MYO5A: variants seen among roughly 807,000 people sequenced by gnomAD.
The protein encoded by MYO5A is myosin VA.
Under a neutral mutation model 249.7 loss-of-function variants are expected in MYO5A, and 98 were observed. The observed-to-expected ratio is 0.39, with a 90% confidence interval of 0.33 to 0.46. The LOEUF is 0.46. Among genes scored for constraint, MYO5A ranks in the 20% least tolerant of loss-of-function variants. MYO5A has a pLI of 0.98. For synonymous variants in MYO5A, 778 were observed against 810.6 expected, an observed-to-expected ratio of 0.96 and a Z score of 0.68; for missense variants, 1,696 against 2,308.8, an observed-to-expected ratio of 0.73 and a Z score of 5.44.
At position 52,313,810 on chromosome 15, in the gene MYO5A, G is replaced by A; in HGVS notation, c.5529C>T (p.Leu1843=). Residue 1843 remains leucine (L), a synonymous_variant, in exon 42 of 42, where the codon CTC becomes CTT. Coordinates refer to ENST00000399233, the MANE Select transcript of MYO5A (RefSeq NM_001382347.1). ...LRDRKDSPQL[L]MDAKHIFPVT... ...CAGGAAAGATGTGTTTAGCATCCAT[G>A]AGCAGCTGGGGAGAGTCTTTCCTGT... is the stretch of plus-strand genomic sequence containing the variant. 6.2e-7 allele frequency: 1 copy of A among 1,614,080 alleles called. No individual in the cohort carries two copies. Among genetic ancestry groups the A allele is most frequent in the South Asian group, 1.1e-5 (1 of 91,084 alleles).
chr15:52,397,898 A>T (rs1222518589), intron 9 of MYO5A, among the ~76,000 whole-genome samples: 1 of 152,262 alleles, frequency 6.6e-6, no homozygotes, highest in African/African-American at 2.4e-5. Context: ...CTAAAATGAA[A>T]AATACCACAA....
intron 1 of MYO5A, 26 bp downstream of exon 1, chr15:52,528,754 T>C: frequency 6.7e-7 from 1 of 1,502,832 alleles, no homozygotes; most frequent in Non-Finnish European, 8.8e-7. Flanking sequence ...GCCCCAGTCC[T>C]CGACGCCGGC....
chr15:52,367,244 C>A, intron 22 of MYO5A, 120 bp from the exon 23 acceptor site: 1 of 865,526 alleles, frequency 1.2e-6, no homozygotes, highest in Non-Finnish European at 1.9e-6. Context: ...CCTGTCTTTG[C>A]CTGGTTATGT....
At chr15:52,464,988 T>C (rs1234485233) in intron 1 of MYO5A, among the ~76,000 whole-genome samples, 1 of 152,218 alleles carries the variant, frequency 6.6e-6, no homozygotes, top group Non-Finnish European at 1.5e-5. Flanking sequence ...AGAGACTGTA[T>C]TGGCCACACT....
intron 10 of MYO5A, among the ~76,000 whole-genome samples, chr15:52,396,784 C>A (rs2042507859): frequency 6.6e-6 from 1 of 152,062 alleles, no homozygotes; most frequent in Non-Finnish European, 1.5e-5. Flanking sequence ...AACAGAGATC[C>A]TACAGGTTCT....
intron 1 of MYO5A, among the ~76,000 whole-genome samples, chr15:52,455,279 GAACT>G (rs918258936): frequency 3.9e-5 from 6 of 152,006 alleles, no homozygotes; most frequent in African/African-American, 7.2e-5. Flanking sequence ...TTGAAAACCT[GAACT>G]AATAATGAGT....
chr15:52,430,100 T>G (rs960088277), intron 2 of MYO5A, among the ~76,000 whole-genome samples: 42 of 152,214 alleles, frequency 2.8e-4, no homozygotes, highest in African/African-American at 1.0e-3. Flanking sequence ...GGTCAAATAT[T>G]CAAATCATAT....
intron 28 of MYO5A, 77 bp downstream of exon 28, chr15:52,351,177 A>T (rs2039931441): frequency 1.8e-6 from 2 of 1,128,186 alleles, no homozygotes; most frequent in Non-Finnish European, 2.6e-6. Flanking sequence ...TTGCTGCATT[A>T]TAAACTGGAG....
upstream of MYO5A, chr15:52,528,935 A>C (rs1221035362): frequency 2.6e-5 from 20 of 781,420 alleles, no homozygotes; most frequent in Non-Finnish European, 3.2e-5. Context: ...CCGGGCGGGG[A>C]GGGCCGCGCG....
At chr15:52,455,292 G>T (rs1048206986) in intron 1 of MYO5A, among the ~76,000 whole-genome samples, 1 of 151,894 alleles carries the variant, frequency 6.6e-6, no homozygotes, top group African/African-American at 2.4e-5. Flanking sequence ...CTAATAATGA[G>T]TAATAAGTAA....
At chr15:52,510,535 G>A (rs1479688612) in intron 1 of MYO5A, among the ~76,000 whole-genome samples, 1 of 152,198 alleles carries the variant, frequency 6.6e-6, no homozygotes, top group African/African-American at 2.4e-5. Context: ...GGAGGTGAGT[G>A]GTGAGCTAGC....
At chr15:52,525,919 A>G (rs938006157) in intron 1 of MYO5A, among the ~76,000 whole-genome samples, 1 of 152,206 alleles carries the variant, frequency 6.6e-6, no homozygotes, top group Non-Finnish European at 1.5e-5. Context: ...GAAGCAGACT[A>G]TGAGCGTGTT....
At position 52,331,785 on chromosome 15, in the gene MYO5A, G is replaced by A. The variant is rs190679395; in HGVS notation, c.4409-1286C>T. 12 of 985,356 alleles carry A rather than the reference G, an allele frequency of 1.2e-5. No homozygotes were observed. The Admixed American group carries it at 4.9e-4, about 40-fold the overall frequency. 61.0% of individuals were successfully genotyped at this position (985,356 alleles called of 1,614,324 possible). ...AGCAGCACACACTGGGACTATCAGC[G>A]CTGAAAATCTGGTTTAGGTGAAGTC... On this transcript the variant is annotated intron_variant, in intron 34 of 41. Transcript: ENST00000399233.
At chr15:52,334,880 A>G (rs2039043391) in intron 34 of MYO5A, among the ~76,000 whole-genome samples, 1 of 152,248 alleles carries the variant, frequency 6.6e-6, no homozygotes, top group Admixed American at 6.5e-5. Flanking sequence ...CAGAACCATA[A>G]CGTCTGTCTG....
chr15:52,495,476 T>C (rs917975831), intron 1 of MYO5A, among the ~76,000 whole-genome samples: 2 of 148,016 alleles, frequency 1.4e-5, no homozygotes. Flanking sequence ...AGAGATCTAT[T>C]GTACTTCATG....
Position 52,471,683 on chromosome 15 carries a change from A to G in MYO5A, c.28-38398T>C, listed in dbSNP as rs560243474. On this transcript the variant is annotated intron_variant, in intron 1 of 41. Transcript: ENST00000399233. The stretch of plus-strand genomic sequence containing the variant: ...TTCAGGCAGATATCCTTTCTCCTCA[A>G]TGATTTTATTTTTGGGGAGAGCTGG... Among the ~76,000 whole-genome samples, 10 of 151,940 alleles carry G rather than the reference A, an allele frequency of 6.6e-5. No individual in the cohort carries two copies. In the East Asian group the frequency reaches 1.5e-3, roughly 24 times the overall value.
At chr15:52,394,054 G>A (rs1567083947) in intron 11 of MYO5A, among the ~76,000 whole-genome samples, 1 of 152,168 alleles carries the variant, frequency 6.6e-6, no homozygotes, top group Admixed American at 6.5e-5. Flanking sequence ...AAGAATATGG[G>A]CATGAAGTTC....
chr15:52,321,305 C>A, intron 38 of MYO5A, 54 bp downstream of exon 38: 1 of 1,609,764 alleles, frequency 6.2e-7, no homozygotes, highest in South Asian at 1.1e-5. Flanking sequence ...GGCTACTTAT[C>A]GATGGGCATG....
chr15:52,415,862 C>T (rs2043457801), intron 5 of MYO5A: 1 of 439,928 alleles, frequency 2.3e-6, no homozygotes, highest in African/African-American at 2.0e-5. Flanking sequence ...GAGAAGGAAA[C>T]TTAATTGCTG....
Sources: allele counts gnomAD v4.1 joint callset (sites outside exome capture counted in the v4.1 genomes callset), GRCh38; gene constraint gnomAD v4.1.1; transcripts MANE v1.5; gene names NCBI Gene and HGNC (gene_info 2026-07-23, HGNC 2026-07-21).